C1orf21: variants seen among roughly 807,000 people sequenced by gnomAD.
C1orf21 encodes the protein uncharacterized protein C1orf21.
In C1orf21, 3 loss-of-function variants were observed where a neutral mutation model predicts 18.7. The observed-to-expected ratio is 0.16, with a 90% confidence interval of 0.07 to 0.42. The LOEUF is 0.42. C1orf21 is among the 10% of genes least tolerant of loss of function. C1orf21 has a pLI of 0.99. For synonymous variants in C1orf21, 41 were observed against 46.4 expected, an observed-to-expected ratio of 0.88 and a Z score of 0.47; for missense variants, 104 against 143.6, an observed-to-expected ratio of 0.72 and a Z score of 1.41.
intron 2 of C1orf21, among the ~76,000 whole-genome samples, chr1:184,492,397 G>A (rs1249429925): frequency 6.6e-6 from 1 of 152,174 alleles, no homozygotes; most frequent in Non-Finnish European, 1.5e-5. Flanking sequence ...ACTCAACTGT[G>A]TGGTGTCAGT....
At position 184,411,575 on chromosome 1, in the gene C1orf21, T is replaced by C. The variant is rs576209041; in HGVS notation, c.-125+24207T>C. 2.6e-3 allele frequency among the ~76,000 whole-genome samples: 402 copies of C among 151,960 alleles called. 1 individual carries two copies. Among genetic ancestry groups the C allele is most frequent in the Non-Finnish European group, 4.2e-3 (284 of 67,964 alleles). ...TAGCTGGGACTACAGGCGCCCGCCA[T>C]CACGCCTGGCTATTTTTTTTGTATT... is the stretch of plus-strand genomic sequence containing the variant. On this transcript the variant is annotated intron_variant, in intron 1 of 5. Coordinates refer to ENST00000235307, the MANE Select transcript of C1orf21 (RefSeq NM_030806.4).
At chr1:184,416,074 T>C (rs146621579) in intron 1 of C1orf21, among the ~76,000 whole-genome samples, 2 of 152,284 alleles carry the variant, frequency 1.3e-5, no homozygotes, top group African/African-American at 4.8e-5. Flanking sequence ...CACATCTTCA[T>C]AGGAACAAAA....
At chr1:184,607,151 A>C (rs1017902450) in intron 5 of C1orf21, among the ~76,000 whole-genome samples, 1 of 152,194 alleles carries the variant, frequency 6.6e-6, no homozygotes. Flanking sequence ...TTGATTCAAA[A>C]AGGAGTACCA....
intron 2 of C1orf21, among the ~76,000 whole-genome samples, chr1:184,493,211 C>A (rs530822637): frequency 6.6e-4 from 101 of 152,278 alleles, no homozygotes; most frequent in Non-Finnish European, 1.3e-3. Context: ...ACAGCCATAG[C>A]TGGGGAAGAT....
chr1:184,584,284 G>A (rs1659324249), intron 3 of C1orf21, among the ~76,000 whole-genome samples: 1 of 152,004 alleles, frequency 6.6e-6, no homozygotes, highest in Admixed American at 6.6e-5. Context: ...GTATACACAT[G>A]CTCCTAAGGT....
intron 3 of C1orf21, among the ~76,000 whole-genome samples, chr1:184,553,838 A>G (rs1352649773): frequency 6.6e-6 from 1 of 152,236 alleles, no homozygotes; most frequent in Non-Finnish European, 1.5e-5. Flanking sequence ...ACACAGGAGG[A>G]GAGGAACAAG....
At chr1:184,460,027 C>T (rs1260567360) in intron 1 of C1orf21, among the ~76,000 whole-genome samples, 2 of 152,184 alleles carry the variant, frequency 1.3e-5, no homozygotes, top group African/African-American at 4.8e-5. Flanking sequence ...GGGCCTTCCC[C>T]ACAGGGACTC....
chr1:184,395,300 A>G (rs979362907), intron 1 of C1orf21, among the ~76,000 whole-genome samples: 3 of 152,096 alleles, frequency 2.0e-5, no homozygotes, highest in Admixed American at 2.0e-4. Flanking sequence ...CTTGTCATTG[A>G]TCCTGAGGCT....
chr1:184,504,444 T>C (rs967814826), intron 2 of C1orf21, among the ~76,000 whole-genome samples: 1 of 152,148 alleles, frequency 6.6e-6, no homozygotes. Flanking sequence ...CCCCATGTCT[T>C]CAACAAAAGG....
chr1:184,471,920 A>T (rs536576387), intron 1 of C1orf21, among the ~76,000 whole-genome samples: 14 of 152,260 alleles, frequency 9.2e-5, no homozygotes, highest in African/African-American at 3.4e-4. Flanking sequence ...TTTCTAGATT[A>T]TTCTCATGTC....
intron 3 of C1orf21, among the ~76,000 whole-genome samples, chr1:184,583,543 G>A (rs796121082): frequency 4.6e-5 from 7 of 152,304 alleles, no homozygotes; most frequent in African/African-American, 1.7e-4. Context: ...AGAGCCCCAA[G>A]GCTTAGGTTG....
chr1:184,469,809 A>G (rs986664556), intron 1 of C1orf21, among the ~76,000 whole-genome samples: 2 of 152,192 alleles, frequency 1.3e-5, no homozygotes, highest in Non-Finnish European at 2.9e-5. Context: ...TGACTCTCAT[A>G]AGCATCTCTG....
intron 3 of C1orf21, among the ~76,000 whole-genome samples, chr1:184,547,160 G>A (rs1658739150): frequency 6.6e-6 from 1 of 152,216 alleles, no homozygotes; most frequent in Admixed American, 6.5e-5. Context: ...ATGAGGGCAA[G>A]AGTAGGTTGA....
At chr1:184,542,877 A>G (rs915379692) in intron 3 of C1orf21, among the ~76,000 whole-genome samples, 1 of 152,200 alleles carries the variant, frequency 6.6e-6, no homozygotes, top group Non-Finnish European at 1.5e-5. Flanking sequence ...TGCCTTCCAT[A>G]GCCACATTAT....
intron 4 of C1orf21, among the ~76,000 whole-genome samples, chr1:184,594,406 CA>C (rs1157171461): frequency 6.6e-6 from 1 of 152,114 alleles, no homozygotes; most frequent in East Asian, 1.9e-4. Flanking sequence ...GAAAAGATAT[CA>C]ATTTCTACAT....
intron 3 of C1orf21, among the ~76,000 whole-genome samples, chr1:184,589,953 C>T (rs1659412976): frequency 6.6e-6 from 1 of 152,138 alleles, no homozygotes; most frequent in Admixed American, 6.5e-5. Context: ...ACCTCAAGTT[C>T]CTCGAGTGTA....
chr1:184,497,623 C>T (rs991459461), intron 2 of C1orf21, among the ~76,000 whole-genome samples: 20 of 152,172 alleles, frequency 1.3e-4, no homozygotes, highest in Non-Finnish European at 2.9e-5. Flanking sequence ...GAAGATATTT[C>T]AGATGTATTT....
intron 3 of C1orf21, among the ~76,000 whole-genome samples, chr1:184,586,349 C>T (rs560666166): frequency 3.0e-4 from 43 of 142,862 alleles, no homozygotes; most frequent in African/African-American, 1.1e-3. Flanking sequence ...GTGGTGCAAT[C>T]TCGGCTCACT....
At chr1:184,394,617 G>A (rs561273401) in intron 1 of C1orf21, among the ~76,000 whole-genome samples, 1 of 152,304 alleles carries the variant, frequency 6.6e-6, no homozygotes, top group Non-Finnish European at 1.5e-5. Flanking sequence ...TGAAAGGCCA[G>A]GTGTAAAGTA....
Sources: allele counts gnomAD v4.1 joint callset (sites outside exome capture counted in the v4.1 genomes callset), GRCh38; gene constraint gnomAD v4.1.1; transcripts MANE v1.5; gene names NCBI Gene and HGNC (gene_info 2026-07-23, HGNC 2026-07-21).